The following ARHGAP26 variants were observed in gnomAD, a reference collection of about 807,000 sequenced individuals.
The protein encoded by ARHGAP26 is rho GTPase-activating protein 26.
ARHGAP26 carries 38 observed loss-of-function variants against 104.8 expected under a neutral mutation model. The observed-to-expected ratio is 0.36, with a 90% CI of 0.28 to 0.48. ARHGAP26 has a LOEUF of 0.48. Among genes scored for constraint, ARHGAP26 ranks in the 20% least tolerant of loss-of-function variants. The pLI, the probability that ARHGAP26 is intolerant of heterozygous loss-of-function variation, is 0.99. For missense variants in ARHGAP26, 704 were observed against 947.9 expected, an observed-to-expected ratio of 0.74 and a Z score of 3.38; for synonymous variants, 341 against 340.0, an observed-to-expected ratio of 1.00 and a Z score of -0.03.
chr5:142,992,483 G>C (rs1775760058), intron 11 of ARHGAP26, among the ~76,000 whole-genome samples: 1 of 150,916 alleles, frequency 6.6e-6, no homozygotes, highest in Non-Finnish European at 1.5e-5. Flanking sequence ...ACCTAGGCTG[G>C]AGTGCAGTGG....
At chr5:142,868,286 GGCTGGAGCA>G (rs1452278065) in intron 1 of ARHGAP26, among the ~76,000 whole-genome samples, 1 of 152,190 alleles carries the variant, frequency 6.6e-6, no homozygotes, top group Non-Finnish European at 1.5e-5. Context: ...AACTGGCAGA[GGCTGGAGCA>G]GCTGGAGCCC....
intron 1 of ARHGAP26, among the ~76,000 whole-genome samples, chr5:142,820,294 TG>T (rs996665652): frequency 7.2e-5 from 11 of 152,196 alleles, no homozygotes; most frequent in Non-Finnish European, 1.2e-4. Context: ...AAAACTTTCT[TG>T]TTAAGAGTTT....
chr5:143,054,588 C>T lies in ARHGAP26; in HGVS notation c.1373+62C>T. 5.5e-6 allele frequency: 7 copies of T among 1,281,678 alleles called. 1 individual carries two copies. The highest frequency in any genetic ancestry group is 7.7e-6 in the Non-Finnish European group (7 of 905,300). 79.4% of individuals were successfully genotyped at this position (1,281,678 alleles called of 1,614,324 possible). ...AGTTATCATGCAATCAGGAAGAAAG[C>T]AGTTTTATTTTCAGACTCCGGAGAG... On this transcript the variant is annotated intron_variant, in intron 15 of 22. Coordinates refer to ENST00000645722, the MANE Select transcript of ARHGAP26 (RefSeq NM_001135608.3).
At chr5:142,776,056 T>G in intron 1 of ARHGAP26, among the ~76,000 whole-genome samples, 1 of 152,236 alleles carries the variant, frequency 6.6e-6, no homozygotes, top group East Asian at 1.9e-4. Context: ...AGCATGTTTT[T>G]GGGGGAATTT....
intron 20 of ARHGAP26, among the ~76,000 whole-genome samples, chr5:143,191,041 GGCTTAACT>G (rs1805853726): frequency 6.6e-6 from 1 of 152,212 alleles, no homozygotes; most frequent in African/African-American, 2.4e-5. Flanking sequence ...ATGGGAGCAG[GGCTTAACT>G]GCAAATGGCA....
intron 20 of ARHGAP26, among the ~76,000 whole-genome samples, chr5:143,186,301 A>G (rs1599419007): frequency 6.6e-6 from 1 of 152,210 alleles, no homozygotes; most frequent in Middle Eastern, 3.4e-3. Context: ...GATAAAGCCA[A>G]CCCCAAGGAG....
chr5:142,796,329 A>G (rs1760988377), intron 1 of ARHGAP26, among the ~76,000 whole-genome samples: 1 of 152,218 alleles, frequency 6.6e-6, no homozygotes, highest in Non-Finnish European at 1.5e-5. Flanking sequence ...TCTGTCTTTG[A>G]GCAAATTATT....
chr5:142,986,641 C>T (rs1000227094), intron 11 of ARHGAP26, among the ~76,000 whole-genome samples: 4 of 152,024 alleles, frequency 2.6e-5, no homozygotes, highest in African/African-American at 9.7e-5. Context: ...GATTTAGGTC[C>T]AACATTTAAG....
chr5:143,004,972 G>T (rs1484193934), intron 11 of ARHGAP26, among the ~76,000 whole-genome samples: 1 of 152,104 alleles, frequency 6.6e-6, no homozygotes, highest in Non-Finnish European at 1.5e-5. Context: ...TGAGGTAGAA[G>T]GAATGGGAAA....
intron 20 of ARHGAP26, among the ~76,000 whole-genome samples, chr5:143,182,392 A>G (rs1418372782): frequency 6.6e-6 from 1 of 152,106 alleles, no homozygotes; most frequent in Non-Finnish European, 1.5e-5. Context: ...CTTGCCCGGT[A>G]TTTCACTCGT....
chr5:142,803,800 C>T (rs1451071727), intron 1 of ARHGAP26, among the ~76,000 whole-genome samples: 1 of 152,130 alleles, frequency 6.6e-6, no homozygotes, highest in Non-Finnish European at 1.5e-5. Flanking sequence ...AGTGAACATC[C>T]CATTCTGCAT....
chr5:143,071,166 G>A (rs1788200408), intron 17 of ARHGAP26, among the ~76,000 whole-genome samples: 1 of 150,318 alleles, frequency 6.7e-6, no homozygotes, highest in Non-Finnish European at 1.5e-5. Flanking sequence ...AATCTGAATA[G>A]CAAAAGCAGT....
chr5:143,042,125 C>G (rs1170889121), intron 14 of ARHGAP26, among the ~76,000 whole-genome samples: 1 of 152,210 alleles, frequency 6.6e-6, no homozygotes, highest in East Asian at 1.9e-4. Flanking sequence ...ACCACACCCT[C>G]TCTGTCTGTA....
intron 11 of ARHGAP26, among the ~76,000 whole-genome samples, chr5:142,952,050 A>T (rs867904534): frequency 6.6e-6 from 1 of 152,094 alleles, no homozygotes; most frequent in Non-Finnish European, 1.5e-5. Context: ...CTCTATCTTC[A>T]TGTGACCACT....
At chr5:142,873,301 G>A (rs1003649284) in intron 1 of ARHGAP26, 99 bp from the exon 2 acceptor site, 16 of 779,448 alleles carry the variant, frequency 2.1e-5, no homozygotes, top group East Asian at 8.4e-5. Context: ...GAACAAATCC[G>A]CCTCCTAAGA....
chr5:142,805,599 G>A (rs1161998998), intron 1 of ARHGAP26, among the ~76,000 whole-genome samples: 1 of 152,114 alleles, frequency 6.6e-6, no homozygotes, highest in Non-Finnish European at 1.5e-5. Flanking sequence ...TTTTTGAGGA[G>A]GGAGAGCGAA....
chr5:142,781,007 C>T (rs933250147), intron 1 of ARHGAP26, among the ~76,000 whole-genome samples: 10 of 152,222 alleles, frequency 6.6e-5, no homozygotes, highest in Admixed American at 5.2e-4. Flanking sequence ...TAGAAGGCTA[C>T]ATTGGCCAGG....
At chr5:142,965,898 G>A (rs954228959) in intron 11 of ARHGAP26, among the ~76,000 whole-genome samples, 7 of 152,166 alleles carry the variant, frequency 4.6e-5, no homozygotes, top group African/African-American at 1.4e-4. Flanking sequence ...GTCATCCAGT[G>A]TAAATAGTTG....
chr5:143,120,863 G>C (rs2150788109), intron 17 of ARHGAP26, 125 bp from the exon 18 acceptor site: 1 of 878,438 alleles, frequency 1.1e-6, no homozygotes, highest in Non-Finnish European at 1.6e-6. Context: ...ATCTGACGAT[G>C]ACCCAAGTTC....
Sources: allele counts gnomAD v4.1 joint callset (sites outside exome capture counted in the v4.1 genomes callset), GRCh38; gene constraint gnomAD v4.1.1; transcripts MANE v1.5; gene names NCBI Gene and HGNC (gene_info 2026-07-23, HGNC 2026-07-21).